Variants in TMEM266 observed in about 807,000 individuals in gnomAD.
TMEM266 encodes Hv1 related protein 1.
A neutral mutation model predicts 50.5 loss-of-function variants in TMEM266; 33 were observed. The ratio of observed to expected loss-of-function variants is 0.65; its 90% CI spans 0.50 to 0.87. TMEM266 has a LOEUF of 0.87. Among genes scored for constraint, TMEM266 ranks in the 40% least tolerant of loss-of-function variants. The probability of loss-of-function intolerance (pLI) is 0.00; values close to 1 mark genes in which losing one functional copy is unlikely to be tolerated. For missense variants in TMEM266, 655 were observed against 695.1 expected (o/e 0.94, Z 0.65); for synonymous variants, 310 against 292.3 (o/e 1.06, Z -0.62).
intron 8 of TMEM266, among the ~76,000 whole-genome samples, chr15:76,189,307 C>T (rs2038533147): frequency 1.5e-5 from 2 of 135,870 alleles, no homozygotes; most frequent in South Asian, 4.6e-4. Context: ...TCCATCGTGA[C>T]AATCTTGTCT....
chr15:76,080,144 A>G (rs1031271454), intron 1 of TMEM266, among the ~76,000 whole-genome samples: 2 of 150,276 alleles, frequency 1.3e-5, no homozygotes, highest in African/African-American at 4.9e-5. Context: ...AGACGGGCAG[A>G]TCACTTGAGG....
chr15:76,173,377 C>T (rs1042818420), intron 7 of TMEM266, among the ~76,000 whole-genome samples: 2 of 151,994 alleles, frequency 1.3e-5, no homozygotes, highest in African/African-American at 2.4e-5. Flanking sequence ...TCGAGGGGTG[C>T]GGGAACAGTG....
intron 1 of TMEM266, among the ~76,000 whole-genome samples, chr15:76,099,725 T>G (rs1227195853): frequency 6.6e-6 from 1 of 152,150 alleles, no homozygotes; most frequent in African/African-American, 2.4e-5. Flanking sequence ...GGAGACGTAT[T>G]TGATTGCCAA....
At chr15:76,087,311 A>G (rs373182073) in intron 1 of TMEM266, among the ~76,000 whole-genome samples, 1 of 152,186 alleles carries the variant, frequency 6.6e-6, no homozygotes, top group South Asian at 2.1e-4. Context: ...GGATGGAGAA[A>G]GGGGATGAAT....
rs113317088 is a variant in TMEM266, at chr15:76,199,266, C to A, written c.959-2936C>A. 2.0e-3 allele frequency among the ~76,000 whole-genome samples: 302 copies of A among 152,338 alleles called. 3 individuals carry two copies. Among genetic ancestry groups the A allele is most frequent in the African/African-American group, 6.7e-3 (278 of 41,576 alleles). On this transcript the variant is annotated intron_variant, in intron 9 of 10. Transcript: ENST00000388942. ...GAGTCAGAGGTAGCTGGAGGCCAGC[C>A]AGGAGTTGTCCGGGGACGGTCGGCC...
At chr15:76,186,798 A>G (rs2038496239) in intron 8 of TMEM266, among the ~76,000 whole-genome samples, 1 of 151,140 alleles carries the variant, frequency 6.6e-6, no homozygotes, top group Admixed American at 6.6e-5. Flanking sequence ...GTGTACCACC[A>G]CTCCCACCAC....
intron 1 of TMEM266, among the ~76,000 whole-genome samples, chr15:76,084,169 C>G (rs561485197): frequency 5.3e-5 from 8 of 152,112 alleles, no homozygotes; most frequent in Non-Finnish European, 8.8e-5. Flanking sequence ...AAAAAATTAG[C>G]CTGGTGTGGT....
rs756884747 is a variant in TMEM266, at chr15:76,171,102, G to A, written c.623G>A (p.Arg208Gln). The change falls in exon 7 of 11, where the codon CGG (arginine) becomes CAG (glutamine). Residue 208 changes from arginine (R) to glutamine (Q), a missense_variant. By Grantham distance (43) the Arg-to-Gln change is conservative. Around this residue, in one of 3 missense-constraint regions of TMEM266, gnomAD observed 101 missense variants for 182.6 expected, o/e 0.55. Coordinates refer to ENST00000388942, the MANE Select transcript of TMEM266 (RefSeq NM_152335.3). ...GCCATCAGCCTCATCATCATGCTCC[G>A]GATCTGGAGGGTGAAGAGGGTCATT... The A allele has an allele frequency of 4.3e-6, 7 of 1,613,620 alleles. No individual in the cohort carries two copies. The highest frequency in any genetic ancestry group is 1.7e-5 in the Admixed American group (1 of 59,956).
chr15:76,171,406 G>T (rs2038186611), intron 7 of TMEM266, among the ~76,000 whole-genome samples: 2 of 152,214 alleles, frequency 1.3e-5, no homozygotes, highest in African/African-American at 4.8e-5. Flanking sequence ...GCCTGGGGGG[G>T]CCAGCCCCCA....
intron 1 of TMEM266, among the ~76,000 whole-genome samples, chr15:76,089,354 G>A (rs1232281632): frequency 2.0e-5 from 3 of 151,672 alleles, no homozygotes; most frequent in Non-Finnish European, 2.9e-5. Context: ...CACCACGCCC[G>A]GCTAATTTTT....
intron 8 of TMEM266, among the ~76,000 whole-genome samples, chr15:76,183,929 C>T (rs1402394615): frequency 6.6e-6 from 1 of 152,180 alleles, no homozygotes; most frequent in Non-Finnish European, 1.5e-5. Context: ...GGTGGGTGGT[C>T]TGATTGGGAG....
At chr15:76,118,538 A>T (rs2935964) in intron 1 of TMEM266, among the ~76,000 whole-genome samples, 1 of 152,172 alleles carries the variant, frequency 6.6e-6, no homozygotes, top group African/African-American at 2.4e-5. Flanking sequence ...CAGCCTGGGC[A>T]TCAGAGCGAG....
intron 1 of TMEM266, among the ~76,000 whole-genome samples, chr15:76,133,951 A>G (rs1462066996): frequency 1.3e-5 from 2 of 152,168 alleles, no homozygotes; most frequent in African/African-American, 4.8e-5. Context: ...GTGACACAAA[A>G]AAGTCATTTT....
At chr15:76,090,200 T>C (rs1567147064) in intron 1 of TMEM266, among the ~76,000 whole-genome samples, 4 of 151,952 alleles carry the variant, frequency 2.6e-5, no homozygotes, top group South Asian at 4.2e-4. Flanking sequence ...TATTGAAAGA[T>C]TGGGAAGAGA....
intron 10 of TMEM266, among the ~76,000 whole-genome samples, chr15:76,203,321 C>CA (rs2038780291): frequency 6.6e-6 from 1 of 152,192 alleles, no homozygotes; most frequent in Non-Finnish European, 1.5e-5. Context: ...TTTAAACAAA[C>CA]AAAGCCACAA....
rs569468634 is a variant in TMEM266 at position 76,098,419 on chromosome 15, C to T, written c.-96-35749C>T. On this transcript the variant is annotated intron_variant, in intron 1 of 10. Coordinates refer to ENST00000388942, the MANE Select transcript of TMEM266 (RefSeq NM_152335.3). ...GGCATCACCAGCAGAGGCTGCAGAA[C>T]AGCAAAGATGCTGCCTGATCTTTCC... Among the ~76,000 whole-genome samples the T allele has an allele frequency of 3.1e-3, 477 of 152,236 alleles. 6 individuals are homozygous for T. Among genetic ancestry groups the T allele is most frequent in the African/African-American group, 0.011 (452 of 41,556 alleles).
chr15:76,138,200 C>A lies in TMEM266; in HGVS notation c.227+305C>A, dbSNP rs1485838628. Among the ~76,000 whole-genome samples the A allele has an allele frequency of 5.9e-5, 7 of 117,700 alleles. No homozygotes were observed. In the Admixed American group the frequency reaches 9.0e-4, roughly 15 times the overall value. The allele number at this position is 117,700 out of a possible 152,430, so 77.2% of individuals were successfully genotyped here. A position where few individuals can be genotyped will look rare whatever the true frequency, so the allele number is the denominator to read the frequency against. ...TTGCACCATTGCACTCTAGCCTGGGCGACAAGAGTAAAACTCTGTCTCAAA... is the reference window on the plus strand; with the variant it reads ...TTGCACCATTGCACTCTAGCCTGGGAGACAAGAGTAAAACTCTGTCTCAAA... On this transcript the variant is annotated intron_variant, in intron 3 of 10. Transcript: ENST00000388942.
intron 1 of TMEM266, among the ~76,000 whole-genome samples, chr15:76,084,032 C>T (rs1280743041): frequency 2.0e-5 from 3 of 152,056 alleles, no homozygotes; most frequent in Non-Finnish European, 4.4e-5. Flanking sequence ...AGCAGCCGGG[C>T]GTGTGGTCGC....
chr15:76,092,946 T>TA (rs1346725351), intron 1 of TMEM266, among the ~76,000 whole-genome samples: 1 of 150,756 alleles, frequency 6.6e-6, no homozygotes, highest in African/African-American at 2.4e-5. Flanking sequence ...TAGCTGGGAT[T>TA]ACAGGCGTGC....
Sources: gnomAD v4.1 joint callset for allele counts (sites outside exome capture counted in the v4.1 genomes callset) on GRCh38, gnomAD v4.1.1 for gene constraint, gnomAD v4.1.1 regional missense constraint, MANE v1.5 for transcripts, NCBI Gene and HGNC (gene_info 2026-07-23, HGNC 2026-07-21) for gene names.